TRIM33: variants seen among roughly 807,000 people sequenced by gnomAD.
TRIM33 encodes the protein E3 ubiquitin-protein ligase TRIM33.
Under a neutral mutation model 125.4 loss-of-function variants are expected in TRIM33, and 20 were observed. That is an observed-to-expected ratio of 0.16 (90% CI 0.11 to 0.23). TRIM33 has a LOEUF of 0.23. Ranked by LOEUF, TRIM33 falls within the 10% of genes least tolerant of loss-of-function variation. The pLI, the probability that TRIM33 is intolerant of heterozygous loss-of-function variation, is 1.00. For missense variants in TRIM33, 920 were observed against 1,411.4 expected (o/e 0.65, Z 5.58); for synonymous variants, 564 against 513.9 (o/e 1.10, Z -1.32).
At chr1:114,469,497 A>C (rs1013107807) in intron 1 of TRIM33, among the ~76,000 whole-genome samples, 1 of 152,176 alleles carries the variant, frequency 6.6e-6, no homozygotes, top group African/African-American at 2.4e-5. Flanking sequence ...GAGAGATGTG[A>C]TATGGGGTAA....
intron 8 of TRIM33, 71 bp from the exon 9 acceptor site, chr1:114,425,794 G>A: frequency 8.7e-7 from 1 of 1,149,046 alleles, no homozygotes; most frequent in African/African-American, 1.5e-5. Flanking sequence ...TAATCACCAT[G>A]TTTTCCTCTT....
intron 1 of TRIM33, among the ~76,000 whole-genome samples, chr1:114,505,235 G>A (rs930237680): frequency 7.9e-5 from 12 of 152,300 alleles, no homozygotes; most frequent in Admixed American, 2.0e-4. Flanking sequence ...TGGACACATC[G>A]TTAATGACTG....
intron 1 of TRIM33, among the ~76,000 whole-genome samples, chr1:114,482,353 A>C (rs1049641921): frequency 1.3e-5 from 2 of 152,234 alleles, no homozygotes; most frequent in African/African-American, 2.4e-5. Context: ...AAAACATTAC[A>C]TAGGACGAAA....
At chr1:114,405,170 T>C (rs1652154883) in intron 15 of TRIM33, 1 of 409,332 alleles carries the variant, frequency 2.4e-6, no homozygotes, top group Non-Finnish European at 4.3e-6. Context: ...CTATTTTCCT[T>C]ATACTGAATA....
Position 114,475,477 on chromosome 1 carries a change from C to T in TRIM33, c.527-11089G>A, listed in dbSNP as rs146206007. ...CAAGAGGATCATGAGGTCAGGAGAT[C>T]GAGACCATCCTGGCAAACACGGTGA... On this transcript the variant is annotated intron_variant, in intron 1 of 19. Transcript: ENST00000358465. 9.8e-3 allele frequency among the ~76,000 whole-genome samples: 1,494 copies of T among 152,212 alleles called. 24 individuals carry two copies. The highest frequency in any genetic ancestry group is 0.034 in the African/African-American group (1,408 of 41,522).
At chr1:114,506,896 C>T (rs1043111733) in intron 1 of TRIM33, among the ~76,000 whole-genome samples, 4 of 152,092 alleles carry the variant, frequency 2.6e-5, no homozygotes, top group African/African-American at 9.7e-5. Context: ...TCACAGGGCA[C>T]CTGTTAAAAA....
intron 4 of TRIM33, among the ~76,000 whole-genome samples, chr1:114,440,674 T>C (rs1018453343): frequency 3.9e-5 from 6 of 152,214 alleles, no homozygotes; most frequent in Non-Finnish European, 7.3e-5. Flanking sequence ...TGGGTTTTAA[T>C]GGCAGTTTAG....
At position 114,501,189 on chromosome 1, in the gene TRIM33, CAAAAAAA is replaced by C. The variant is rs775867907; in HGVS notation, c.526+9355_526+9361del. 8.2e-4 allele frequency among the ~76,000 whole-genome samples: 19 copies of C among 23,168 alleles called. 1 individual carries two copies. The highest frequency in any genetic ancestry group is 2.9e-3 in the Admixed American group (8 of 2,728). The allele number at this position is 23,168 out of a possible 152,430, so 15.2% of individuals were successfully genotyped here. A position where few individuals can be genotyped will look rare whatever the true frequency, so the allele number is the denominator to read the frequency against. ...TGGGCGACAGAGCGAGACTCCGTCT[CAAAAAAA>C]AAAAAAAAAAAAAAAAGAATTTGGG... On this transcript the variant is annotated intron_variant, in intron 1 of 19. Coordinates refer to ENST00000358465, the MANE Select transcript of TRIM33 (RefSeq NM_015906.4).
chr1:114,420,881 A>G (rs1557854199), intron 11 of TRIM33, among the ~76,000 whole-genome samples: 3 of 152,236 alleles, frequency 2.0e-5, no homozygotes, highest in African/African-American at 7.2e-5. Context: ...ATTTATATCC[A>G]AAAGAACTGA....
At chr1:114,481,359 C>G (rs140538566) in intron 1 of TRIM33, among the ~76,000 whole-genome samples, 1,562 of 151,982 alleles carry the variant, frequency 0.01, 24 homozygotes, top group African/African-American at 0.036. Context: ...TTTGGGAAGC[C>G]AAGGTGGTGG....
In TRIM33 at chr1:114,464,377, G is replaced by A. The variant is rs1650165621; in HGVS notation, c.538C>T (p.Arg180Trp). 3.8e-6 allele frequency: 6 copies of A among 1,567,946 alleles called. No homozygotes were observed. Among genetic ancestry groups the A allele is most frequent in the Non-Finnish European group, 4.3e-6 (5 of 1,154,680 alleles). Reference protein sequence around the residue: ...NGDIQQVGVIRCPVCRQECRQ... With the variant: ...NGDIQQVGVIWCPVCRQECRQ... ...CATTCTTGGCGGCATACTGGGCACC[G>A]TATTACACCAACTACAACATAAAAT... is the stretch of plus-strand genomic sequence containing the variant. Residue 180 changes from arginine to tryptophan, a missense_variant, in exon 2 of 20, where the codon CGG (arginine) becomes TGG (tryptophan). Transcript: ENST00000358465.
chr1:114,505,069 A>G (rs2101580857), intron 1 of TRIM33, among the ~76,000 whole-genome samples: 1 of 152,268 alleles, frequency 6.6e-6, no homozygotes, highest in Non-Finnish European at 1.5e-5. Flanking sequence ...TTCTCACAAA[A>G]ACTCTATGAT....
intron 17 of TRIM33, 50 bp downstream of exon 17, chr1:114,401,339 C>CT (rs779072717): frequency 8.5e-6 from 13 of 1,529,068 alleles, no homozygotes; most frequent in African/African-American, 5.5e-5. Context: ...AGCCCATACT[C>CT]TTAAGTATTA....
chr1:114,483,431 T>A (rs1651475759), intron 1 of TRIM33, among the ~76,000 whole-genome samples: 1 of 151,754 alleles, frequency 6.6e-6, no homozygotes, highest in Non-Finnish European at 1.5e-5. Flanking sequence ...TTTTTTTTCT[T>A]TTTGAGATGG....
intron 4 of TRIM33, among the ~76,000 whole-genome samples, chr1:114,456,851 G>C (rs371762909): frequency 6.6e-6 from 1 of 152,100 alleles, no homozygotes; most frequent in East Asian, 1.9e-4. Context: ...GGGGAATTAG[G>C]GGAAAAAAGC....
intron 1 of TRIM33, among the ~76,000 whole-genome samples, chr1:114,465,909 G>A (rs542758397): frequency 6.6e-6 from 1 of 152,160 alleles, no homozygotes; most frequent in African/African-American, 2.4e-5. Flanking sequence ...CGGGTGTGGT[G>A]GCACGCGCCT....
At chr1:114,495,285 T>C (rs1157358968) in intron 1 of TRIM33, among the ~76,000 whole-genome samples, 1 of 152,182 alleles carries the variant, frequency 6.6e-6, no homozygotes, top group African/African-American at 2.4e-5. Context: ...TACTAGTTAC[T>C]TTCCTAGTTC....
intron 11 of TRIM33, chr1:114,420,423 C>T (rs1331886136): frequency 3.0e-6 from 4 of 1,335,494 alleles, no homozygotes. Flanking sequence ...AAACTCATAC[C>T]AGGAGTGCAT....
At chr1:114,406,409 A>T (rs1053080483) in intron 14 of TRIM33, among the ~76,000 whole-genome samples, 4 of 152,208 alleles carry the variant, frequency 2.6e-5, no homozygotes, top group African/African-American at 9.6e-5. Flanking sequence ...AAAAATCAAA[A>T]TATTTAAACC....
Sources: allele counts gnomAD v4.1 joint callset (sites outside exome capture counted in the v4.1 genomes callset), GRCh38; gene constraint gnomAD v4.1.1; transcripts MANE v1.5; gene names NCBI Gene and HGNC (gene_info 2026-07-23, HGNC 2026-07-21).